Variants in ATRNL1 observed in about 807,000 individuals in gnomAD.
ATRNL1 encodes attractin-like protein 1.
In ATRNL1, 95 loss-of-function variants were observed where a neutral mutation model predicts 182.7. That is an observed-to-expected ratio of 0.52 (90% CI 0.44 to 0.62). The LOEUF (loss-of-function observed/expected upper bound fraction) is 0.62, where lower values mean the gene tolerates loss of function less well. ATRNL1 is among the 20% of genes least tolerant of loss of function. The pLI is 0.00. For synonymous variants in ATRNL1, 576 were observed against 568.3 expected (o/e 1.01, Z -0.19); for missense variants, 1,471 against 1,679.5 (o/e 0.88, Z 2.17).
At chr10:115,793,367 C>T (rs1949573890) in intron 27 of ATRNL1, among the ~76,000 whole-genome samples, 1 of 152,076 alleles carries the variant, frequency 6.6e-6, no homozygotes, top group East Asian at 1.9e-4. Flanking sequence ...GGTTGCCCAT[C>T]TGGCAAAGGT....
intron 26 of ATRNL1, among the ~76,000 whole-genome samples, chr10:115,722,553 T>G (rs1555058128): frequency 1.3e-5 from 2 of 152,160 alleles, no homozygotes. Context: ...TGTATTACTG[T>G]ATGCTAAGTA....
intron 26 of ATRNL1, among the ~76,000 whole-genome samples, chr10:115,632,987 G>A (rs984310785): frequency 8.6e-5 from 13 of 151,758 alleles, no homozygotes; most frequent in Non-Finnish European, 1.8e-4. Flanking sequence ...CCGCCTCCCG[G>A]ATTTAAATGA....
chr10:115,194,101 T>A (rs1207478978), intron 8 of ATRNL1, among the ~76,000 whole-genome samples: 1 of 152,054 alleles, frequency 6.6e-6, no homozygotes. Flanking sequence ...TTTTGAGACA[T>A]GTTTTGTGTC....
At chr10:115,208,129 G>T (rs374362243) in intron 8 of ATRNL1, among the ~76,000 whole-genome samples, 2 of 151,862 alleles carry the variant, frequency 1.3e-5, no homozygotes, top group African/African-American at 4.8e-5. Context: ...TTTTTCATTT[G>T]AGGCATTCAT....
chr10:115,215,881 G>T lies in ATRNL1; in HGVS notation c.1532+1G>T. On this transcript the variant is annotated splice_donor_variant, in intron 9 of 28. Transcript: ENST00000355044. LOFTEE classifies it high-confidence loss of function. ...AATATGAAGTTAACACTAAGACTTG[G>T]TGAGTACACAAAATAACACATTTTC... The T allele has an allele frequency of 6.5e-7, 1 of 1,531,474 alleles. No individual in the cohort carries two copies. The highest frequency in any genetic ancestry group is 8.7e-7 in the Non-Finnish European group (1 of 1,143,186). 94.9% of individuals were successfully genotyped at this position (1,531,474 alleles called of 1,614,324 possible).
At chr10:115,846,587 C>G (rs1206374769) in intron 27 of ATRNL1, among the ~76,000 whole-genome samples, 1 of 151,972 alleles carries the variant, frequency 6.6e-6, no homozygotes, top group Non-Finnish European at 1.5e-5. Flanking sequence ...ATATATCAAC[C>G]ATGTCTCTTC....
At chr10:115,101,880 A>G (rs1554864674) in intron 1 of ATRNL1, among the ~76,000 whole-genome samples, 1 of 152,238 alleles carries the variant, frequency 6.6e-6, no homozygotes, top group Non-Finnish European at 1.5e-5. Context: ...TATTTAATAT[A>G]CAGAAGGCTA....
chr10:115,471,060 C>G (rs747849893), intron 24 of ATRNL1, among the ~76,000 whole-genome samples: 19 of 150,540 alleles, frequency 1.3e-4, no homozygotes, highest in Admixed American at 6.0e-4. Flanking sequence ...CTTTTTGTGA[C>G]TGACTTGTTT....
At chr10:115,426,440 C>T (rs554343267) in intron 21 of ATRNL1, 138 bp downstream of exon 21, 123 of 572,266 alleles carry the variant, frequency 2.1e-4, no homozygotes, top group African/African-American at 2.0e-3. Flanking sequence ...TACAACTTTA[C>T]GTATATTGCT....
At chr10:115,212,702 ATGGT>A (rs1564824490) in intron 8 of ATRNL1, among the ~76,000 whole-genome samples, 1 of 152,118 alleles carries the variant, frequency 6.6e-6, no homozygotes, top group Non-Finnish European at 1.5e-5. Context: ...TTGCAGGGAC[ATGGT>A]TGGAGCTGCA....
intron 20 of ATRNL1, among the ~76,000 whole-genome samples, chr10:115,408,727 T>C (rs1203464912): frequency 1.3e-5 from 2 of 151,574 alleles, no homozygotes; most frequent in South Asian, 2.1e-4. Context: ...ATTTGATCCA[T>C]TTTTCCGTTG....
chr10:115,473,285 A>G (rs1848389308), intron 24 of ATRNL1, among the ~76,000 whole-genome samples: 2 of 151,302 alleles, frequency 1.3e-5, no homozygotes, highest in Non-Finnish European at 3.0e-5. Context: ...TACATTTATC[A>G]AGGATGTTGG....
At chr10:115,414,995 C>T (rs1554960610) in intron 20 of ATRNL1, among the ~76,000 whole-genome samples, 1 of 151,964 alleles carries the variant, frequency 6.6e-6, no homozygotes, top group South Asian at 2.1e-4. Context: ...TTACGCTACA[C>T]TGAATAAACT....
At chr10:115,110,592 C>A (rs371878647) in intron 1 of ATRNL1, among the ~76,000 whole-genome samples, 1 of 152,156 alleles carries the variant, frequency 6.6e-6, no homozygotes, top group African/African-American at 2.4e-5. Context: ...ATAGGGACTT[C>A]TGTCCTATAG....
At chr10:115,530,419 G>A (rs1179066810) in intron 25 of ATRNL1, among the ~76,000 whole-genome samples, 2 of 151,918 alleles carry the variant, frequency 1.3e-5, no homozygotes, top group Non-Finnish European at 2.9e-5. Flanking sequence ...ATCTTAGTGG[G>A]CATAAAGTGG....
intron 20 of ATRNL1, among the ~76,000 whole-genome samples, chr10:115,404,225 A>T (rs782502277): frequency 6.6e-6 from 1 of 152,154 alleles, no homozygotes; most frequent in Non-Finnish European, 1.5e-5. Flanking sequence ...TGTCCCTCAA[A>T]ACTATACTAG....
intron 24 of ATRNL1, among the ~76,000 whole-genome samples, chr10:115,474,991 C>T (rs928090074): frequency 1.7e-4 from 25 of 151,344 alleles, no homozygotes; most frequent in Admixed American, 2.6e-4. Context: ...TGCTTGCAAG[C>T]CATTGTCTAA....
At chr10:115,372,943 G>A (rs977156740) in intron 19 of ATRNL1, among the ~76,000 whole-genome samples, 6 of 152,212 alleles carry the variant, frequency 3.9e-5, no homozygotes, top group East Asian at 1.9e-4. Context: ...CATTATACCA[G>A]TAGATCACTT....
intron 26 of ATRNL1, among the ~76,000 whole-genome samples, chr10:115,560,568 A>T (rs1201154280): frequency 6.6e-6 from 1 of 152,202 alleles, no homozygotes; most frequent in Non-Finnish European, 1.5e-5. Context: ...CAAAGACTTT[A>T]TGTTGTTAAG....
Sources: allele counts gnomAD v4.1 joint callset (sites outside exome capture counted in the v4.1 genomes callset), GRCh38; gene constraint gnomAD v4.1.1; transcripts MANE v1.5; gene names NCBI Gene and HGNC (gene_info 2026-07-23, HGNC 2026-07-21).